STIM1: variants seen among roughly 807,000 people sequenced by gnomAD.
STIM1 encodes the protein stromal interaction molecule 1.
STIM1 carries 25 observed loss-of-function variants against 74.7 expected under a neutral mutation model. The observed-to-expected ratio is 0.33, with a 90% confidence interval of 0.24 to 0.47. The LOEUF (loss-of-function observed/expected upper bound fraction) is 0.47, where lower values mean the gene tolerates loss of function less well. STIM1 is among the 20% of genes least tolerant of loss of function. The pLI, the probability that STIM1 is intolerant of heterozygous loss-of-function variation, is 1.00. For synonymous variants in STIM1, 328 were observed against 348.8 expected, an observed-to-expected ratio of 0.94 and a Z score of 0.66; for missense variants, 728 against 920.8, an observed-to-expected ratio of 0.79 and a Z score of 2.71.
chr11:3,968,398 T>G (rs1362678288), intron 2 of STIM1, among the ~76,000 whole-genome samples: 2 of 152,198 alleles, frequency 1.3e-5, no homozygotes, highest in Admixed American at 1.3e-4. Flanking sequence ...TCAATAGTGA[T>G]GTAGTTATAT....
chr11:3,944,428 T>C (rs1017074934), intron 1 of STIM1, among the ~76,000 whole-genome samples: 1 of 152,176 alleles, frequency 6.6e-6, no homozygotes, highest in African/African-American at 2.4e-5. Context: ...CATGAGTATA[T>C]TTAAGCAGCC....
chr11:3,863,420 C>T (rs996188492), intron 1 of STIM1, among the ~76,000 whole-genome samples: 1 of 151,880 alleles, frequency 6.6e-6, no homozygotes, highest in Non-Finnish European at 1.5e-5. Context: ...CCATGCCTGG[C>T]TACTTTTTCT....
At chr11:4,001,647 G>C (rs371538128) in intron 2 of STIM1, among the ~76,000 whole-genome samples, 1 of 152,142 alleles carries the variant, frequency 6.6e-6, no homozygotes, top group Admixed American at 6.5e-5. Context: ...AAAATGTAAA[G>C]ACCATTGAGA....
chr11:3,960,525 A>T (rs1320737631), intron 1 of STIM1, among the ~76,000 whole-genome samples: 2 of 152,240 alleles, frequency 1.3e-5, no homozygotes, highest in African/African-American at 4.8e-5. Context: ...CATGTTACAA[A>T]GTCATGCATG....
intron 1 of STIM1, among the ~76,000 whole-genome samples, chr11:3,924,662 A>G (rs552530880): frequency 6.6e-6 from 1 of 152,306 alleles, no homozygotes; most frequent in East Asian, 1.9e-4. Context: ...CTTTGCTGTA[A>G]TAGCTTGCTT....
chr11:3,928,242 T>G (rs2092812787), intron 1 of STIM1, among the ~76,000 whole-genome samples: 1 of 151,954 alleles, frequency 6.6e-6, no homozygotes, highest in Admixed American at 6.6e-5. Context: ...TTTTTTTTTT[T>G]TGAGACAGAG....
intron 2 of STIM1, among the ~76,000 whole-genome samples, chr11:4,003,691 C>T (rs574680216): frequency 3.9e-5 from 6 of 152,230 alleles, no homozygotes; most frequent in Admixed American, 1.3e-4. Context: ...GACGGGATGC[C>T]CTCTCTCACC....
Position 3,856,138 on chromosome 11 carries a change from G to A in STIM1, c.-133G>A, listed in dbSNP as rs562240065. On this transcript the variant is annotated 5_prime_UTR_variant, in exon 1 of 13. Coordinates refer to ENST00000526596, the MANE Select transcript of STIM1 (RefSeq NM_001382567.1). ...TGGCTGTTGGAGGGGGCAGGCTCGC[G>A]GGTGGCTGGACAGCTGCGGAGCCGC... 11 of 1,223,556 alleles carry A rather than the reference G, an allele frequency of 9.0e-6. No homozygotes were observed. In the East Asian group the frequency reaches 2.1e-4, roughly 24 times the overall value. The allele number at this position is 1,223,556 out of a possible 1,614,324, so 75.8% of individuals were successfully genotyped here. A position where few individuals can be genotyped will look rare whatever the true frequency, so the allele number is the denominator to read the frequency against.
chr11:3,867,243 A>G (rs1340182638), intron 1 of STIM1: 7 of 152,232 alleles, frequency 4.6e-5, no homozygotes. Flanking sequence ...GCTCAGTGAC[A>G]GTTATCAGTC....
chr11:3,994,689 G>T (rs1008883292), intron 2 of STIM1, among the ~76,000 whole-genome samples: 1 of 151,746 alleles, frequency 6.6e-6, no homozygotes, highest in Non-Finnish European at 1.5e-5. Context: ...TTAACTCCTG[G>T]CCCCAAGCAA....
At chr11:3,909,947 G>A (rs2092534808) in intron 1 of STIM1, among the ~76,000 whole-genome samples, 2 of 152,148 alleles carry the variant, frequency 1.3e-5, no homozygotes, top group South Asian at 4.1e-4. Flanking sequence ...ATGAAAATAT[G>A]AGAACTTTCC....
At chr11:3,921,377 C>G (rs574172274) in intron 1 of STIM1, among the ~76,000 whole-genome samples, 2 of 152,276 alleles carry the variant, frequency 1.3e-5, no homozygotes, top group African/African-American at 4.8e-5. Flanking sequence ...ATCAGTATTC[C>G]TTTATAGTTT....
chr11:4,043,857 A>G (rs1429542360), intron 3 of STIM1, among the ~76,000 whole-genome samples: 2 of 152,110 alleles, frequency 1.3e-5, no homozygotes, highest in African/African-American at 4.8e-5. Flanking sequence ...TCTACTAAAA[A>G]TACAAAAATT....
chr11:3,864,890 CTTGG>C (rs1256365197), intron 1 of STIM1, among the ~76,000 whole-genome samples: 1 of 152,170 alleles, frequency 6.6e-6, no homozygotes, highest in Non-Finnish European at 1.5e-5. Context: ...TGTTGTGTCT[CTTGG>C]TTCATGCATT....
At chr11:4,084,599 A>G (rs1272739414) in intron 10 of STIM1, 74 bp from the exon 11 acceptor site, 3 of 1,204,108 alleles carry the variant, frequency 2.5e-6, no homozygotes, top group East Asian at 5.7e-5. Flanking sequence ...CCCTTCCTTT[A>G]TTACATTGAT....
chr11:3,966,471 T>A (rs1339066749), intron 1 of STIM1, among the ~76,000 whole-genome samples: 14 of 152,276 alleles, frequency 9.2e-5, no homozygotes, highest in African/African-American at 3.4e-4. Flanking sequence ...CTAAAAGGCG[T>A]CACAACCACA....
intron 9 of STIM1, 43 bp downstream of exon 9, chr11:4,083,025 C>T (rs374941454): frequency 6.4e-7 from 1 of 1,563,374 alleles, no homozygotes; most frequent in Non-Finnish European, 8.8e-7. Context: ...TCCATATCAT[C>T]CTCAGAATTT....
intron 3 of STIM1, among the ~76,000 whole-genome samples, chr11:4,034,108 A>G (rs985548852): frequency 4.6e-5 from 7 of 151,828 alleles, no homozygotes; most frequent in Admixed American, 4.6e-4. Context: ...GGGCGCCTGT[A>G]ATCCCAGCTA....
chr11:4,082,866 G>A lies in STIM1; in HGVS notation c.1138-16G>A, dbSNP rs2133223879. On this transcript the variant is annotated splice_polypyrimidine_tract_variant and intron_variant, in intron 8 of 12. Coordinates refer to ENST00000526596, the MANE Select transcript of STIM1 (RefSeq NM_001382567.1). ...GAATCCCTGCTCTTTTTGAGCTGGG[G>A]GCCTCATCTTTGCAGGCTGAGAAGA... 3 of 1,610,380 alleles carry A rather than the reference G, an allele frequency of 1.9e-6. No individual in the cohort carries two copies. Among genetic ancestry groups the A allele is most frequent in the Non-Finnish European group, 2.5e-6 (3 of 1,176,706 alleles).
Sources: allele counts gnomAD v4.1 joint callset (sites outside exome capture counted in the v4.1 genomes callset), GRCh38; gene constraint gnomAD v4.1.1; transcripts MANE v1.5; gene names NCBI Gene and HGNC (gene_info 2026-07-23, HGNC 2026-07-21).